SCN11A: variants seen among roughly 807,000 people sequenced by gnomAD.
SCN11A encodes the protein sodium channel protein type 11 subunit alpha.
SCN11A carries 122 observed loss-of-function variants against 162.2 expected under a neutral mutation model. The observed-to-expected ratio is 0.75, with a 90% CI of 0.65 to 0.87. The LOEUF is 0.87. Among genes scored for constraint, SCN11A ranks in the 40% least tolerant of loss-of-function variants. The pLI is 0.00. For missense variants in SCN11A, 2,015 were observed against 2,181.6 expected, an observed-to-expected ratio of 0.92 and a Z score of 1.52; for synonymous variants, 758 against 751.5, an observed-to-expected ratio of 1.01 and a Z score of -0.14.
intron 2 of SCN11A, among the ~76,000 whole-genome samples, chr3:38,996,418 A>G (rs2030633360): frequency 6.6e-6 from 1 of 152,192 alleles, no homozygotes; most frequent in South Asian, 2.1e-4. Flanking sequence ...AACATCAACC[A>G]TCATTTATCC....
intron 2 of SCN11A, among the ~76,000 whole-genome samples, chr3:39,001,487 T>C (rs984108886): frequency 1.2e-4 from 18 of 152,260 alleles, no homozygotes; most frequent in Admixed American, 1.1e-3. Flanking sequence ...TAATATTCTA[T>C]TGGATGTATA....
chr3:38,870,595 T>A (rs1575226174), intron 26 of SCN11A, 96 bp downstream of exon 26: 1 of 984,172 alleles, frequency 1.0e-6, no homozygotes, highest in Non-Finnish European at 1.6e-6. Flanking sequence ...GAACCCCAGC[T>A]GCTGGAACTA....
At chr3:38,852,945 T>C (rs758010945) in intron 28 of SCN11A, among the ~76,000 whole-genome samples, 1 of 152,234 alleles carries the variant, frequency 6.6e-6, no homozygotes, top group Non-Finnish European at 1.5e-5. Context: ...GAATCATTCA[T>C]TGAAGGCTTG....
rs35316970 is a variant in SCN11A at position 38,947,227 on chromosome 3, T to C, written c.268-320A>G. 0.055 allele frequency among the ~76,000 whole-genome samples: 8,390 copies of C among 152,282 alleles called. 775 individuals carry two copies. The highest frequency in any genetic ancestry group is 0.19 in the African/African-American group (7,767 of 41,508). On this transcript the variant is annotated intron_variant, in intron 5 of 29. Transcript: ENST00000302328. ...CAGAAATTGAGCTTGGACATTTAGA[T>C]TCAGCAGATTATTTTAAATTATTTT...
intron 2 of SCN11A, among the ~76,000 whole-genome samples, chr3:38,978,595 G>A (rs1402565025): frequency 2.0e-5 from 3 of 151,994 alleles, no homozygotes; most frequent in African/African-American, 7.3e-5. Context: ...GCGGTGAACC[G>A]AGATCACGCC....
chr3:38,988,019 A>G (rs1454504532), intron 2 of SCN11A, among the ~76,000 whole-genome samples: 1 of 151,364 alleles, frequency 6.6e-6, no homozygotes, highest in African/African-American at 2.5e-5. Context: ...AGGACTAGCT[A>G]CATAATTTGT....
intron 22 of SCN11A, among the ~76,000 whole-genome samples, chr3:38,881,120 C>T (rs1473266426): frequency 5.3e-5 from 8 of 152,178 alleles, no homozygotes; most frequent in African/African-American, 1.4e-4. Flanking sequence ...TCTATCTCAT[C>T]CTCTGCTCTT....
At chr3:38,925,078 C>T (rs2066116476) in intron 9 of SCN11A, among the ~76,000 whole-genome samples, 1 of 152,170 alleles carries the variant, frequency 6.6e-6, no homozygotes, top group East Asian at 1.9e-4. Flanking sequence ...ATGGTGTCTA[C>T]TTTTTCTTTA....
rs201395472 is a variant in SCN11A at position 38,968,576 on chromosome 3, TCCC to T, written c.-279-8156_-279-8154del. 3.3e-5 allele frequency among the ~76,000 whole-genome samples: 5 copies of T among 151,960 alleles called. No homozygotes were observed. In the East Asian group the frequency reaches 5.8e-4, roughly 18 times the overall value. On this transcript the variant is annotated intron_variant, in intron 2 of 29. Transcript: ENST00000302328. Reference sequence around the variant, plus strand: ...AGTGTAGAGGGAAAACACACATGCCTCCCCCCAACACACATGTGCACACACACG... The same window carrying T: ...AGTGTAGAGGGAAAACACACATGCCTCCCAACACACATGTGCACACACACG...
chr3:38,908,492 A>G (rs914099635), intron 13 of SCN11A, among the ~76,000 whole-genome samples: 2 of 152,164 alleles, frequency 1.3e-5, no homozygotes, highest in Admixed American at 1.3e-4. Flanking sequence ...AGTATAAAAC[A>G]TGGTCCCTGT....
chr3:38,995,214 G>C (rs923806604), intron 2 of SCN11A, among the ~76,000 whole-genome samples: 1 of 150,586 alleles, frequency 6.6e-6, no homozygotes, highest in African/African-American at 2.4e-5. Context: ...CACTCCTCCC[G>C]GGTTCACGCC....
At chr3:38,880,948 A>G (rs2065299102) in intron 22 of SCN11A, among the ~76,000 whole-genome samples, 1 of 152,194 alleles carries the variant, frequency 6.6e-6, no homozygotes, top group Admixed American at 6.6e-5. Context: ...AAAGCTGCCC[A>G]TGAAATTTAC....
chr3:38,908,431 A>G (rs886579363), intron 13 of SCN11A, among the ~76,000 whole-genome samples: 2 of 152,174 alleles, frequency 1.3e-5, no homozygotes, highest in Non-Finnish European at 2.9e-5. Context: ...TGCAGATGTT[A>G]AGCACTTACG....
At position 39,019,824 on chromosome 3, in the gene SCN11A, T is replaced by C. The variant is rs537091288; in HGVS notation, c.-280+12556A>G. Among the ~76,000 whole-genome samples, 7 of 152,384 alleles carry C rather than the reference T, an allele frequency of 4.6e-5. No homozygotes were observed. In the South Asian group the frequency reaches 1.4e-3, roughly 32 times the overall value. On this transcript the variant is annotated intron_variant, in intron 2 of 29. Transcript: ENST00000302328. ...TCCATAACCCATACATTTTACTTTATAGGGTTTTTCTTATCATCGCTTTCA... is the reference window on the plus strand; with the variant it reads ...TCCATAACCCATACATTTTACTTTACAGGGTTTTTCTTATCATCGCTTTCA...
chr3:38,912,461 T>G (rs970320594), intron 11 of SCN11A, among the ~76,000 whole-genome samples: 21 of 152,114 alleles, frequency 1.4e-4, no homozygotes, highest in African/African-American at 5.1e-4. Context: ...CCAAATTTTT[T>G]TCTTTCTATT....
intron 28 of SCN11A, among the ~76,000 whole-genome samples, chr3:38,851,295 A>G (rs1026487008): frequency 6.6e-6 from 1 of 152,350 alleles, no homozygotes; most frequent in East Asian, 1.9e-4. Flanking sequence ...CAATTTTAAA[A>G]TTCTTGTTCA....
intron 19 of SCN11A, among the ~76,000 whole-genome samples, chr3:38,894,270 G>A (rs957572131): frequency 1.3e-5 from 2 of 151,990 alleles, no homozygotes; most frequent in African/African-American, 4.8e-5. Flanking sequence ...TTCTTGTAGA[G>A]TTCAACCAAA....
intron 2 of SCN11A, among the ~76,000 whole-genome samples, chr3:38,969,114 G>A (rs2066801629): frequency 6.6e-6 from 1 of 152,202 alleles, no homozygotes; most frequent in Non-Finnish European, 1.5e-5. Flanking sequence ...TTGGAGGGAG[G>A]AAGGGAAGGA....
chr3:39,019,056 G>T (rs1489712321), intron 2 of SCN11A, among the ~76,000 whole-genome samples: 1 of 152,090 alleles, frequency 6.6e-6, no homozygotes, highest in Non-Finnish European at 1.5e-5. Context: ...TAAAGCTAAT[G>T]AGAGACCACC....
Sources: allele counts gnomAD v4.1 joint callset (sites outside exome capture counted in the v4.1 genomes callset), GRCh38; gene constraint gnomAD v4.1.1; transcripts MANE v1.5; gene names NCBI Gene and HGNC (gene_info 2026-07-23, HGNC 2026-07-21).